Variants in PMEPA1 observed in about 807,000 individuals in gnomAD.
PMEPA1 encodes protein TMEPAI.
PMEPA1 carries 11 observed loss-of-function variants against 23.0 expected under a neutral mutation model. That is an observed-to-expected ratio of 0.48 (90% confidence interval 0.30 to 0.79). The LOEUF is 0.79. PMEPA1 is among the 30% of genes least tolerant of loss of function. PMEPA1 has a pLI of 0.06. For missense variants in PMEPA1, 377 were observed against 390.9 expected, an observed-to-expected ratio of 0.96 and a Z score of 0.30; for synonymous variants, 204 against 166.4, an observed-to-expected ratio of 1.23 and a Z score of -1.74.
At chr20:57,691,025 C>T (rs996918630) in intron 1 of PMEPA1, among the ~76,000 whole-genome samples, 5 of 152,158 alleles carry the variant, frequency 3.3e-5, no homozygotes, top group African/African-American at 1.2e-4. Context: ...TCGTCCCTAC[C>T]GGCCCCTCGG....
rs1382485096 is a variant in PMEPA1, at chr20:57,677,230, G to A, written c.110-17533C>T. 2.6e-5 allele frequency among the ~76,000 whole-genome samples: 4 copies of A among 152,208 alleles called. No homozygotes were observed. In the East Asian group the frequency reaches 7.7e-4, roughly 29 times the overall value. Reference sequence around the variant, plus strand: ...ATGGATTATTCTGGCTGTGGGAGCAGCTGTGTGTCTCCACTTCCTTGTCTG... The same window carrying A: ...ATGGATTATTCTGGCTGTGGGAGCAACTGTGTGTCTCCACTTCCTTGTCTG... On this transcript the variant is annotated intron_variant, in intron 1 of 3. Coordinates refer to ENST00000341744, the MANE Select transcript of PMEPA1 (RefSeq NM_020182.5).
chr20:57,685,736 C>T (rs1314443295), intron 1 of PMEPA1, among the ~76,000 whole-genome samples: 7 of 152,050 alleles, frequency 4.6e-5, no homozygotes, highest in African/African-American at 7.2e-5. Context: ...TCTGGGAAGG[C>T]GCCTGCTAAG....
At chr20:57,673,580 C>T (rs2071598298) in intron 1 of PMEPA1, among the ~76,000 whole-genome samples, 1 of 152,160 alleles carries the variant, frequency 6.6e-6, no homozygotes, top group Admixed American at 6.5e-5. Context: ...GGGCTGGTCG[C>T]CTGAGAACTG....
At chr20:57,694,376 G>A (rs1355767795) in intron 1 of PMEPA1, among the ~76,000 whole-genome samples, 2 of 152,142 alleles carry the variant, frequency 1.3e-5, no homozygotes, top group South Asian at 2.1e-4. Flanking sequence ...TACTTAACCC[G>A]ATCTTAAGCA....
At chr20:57,685,196 A>T (rs2146688349) in intron 1 of PMEPA1, among the ~76,000 whole-genome samples, 1 of 152,266 alleles carries the variant, frequency 6.6e-6, no homozygotes, top group East Asian at 1.9e-4. Flanking sequence ...TGCAAGCCGC[A>T]GTCACTCTCC....
At chr20:57,705,104 G>C (rs1452058573) in intron 1 of PMEPA1, among the ~76,000 whole-genome samples, 1 of 152,198 alleles carries the variant, frequency 6.6e-6, no homozygotes, top group Non-Finnish European at 1.5e-5. Flanking sequence ...TGGGGTAGAA[G>C]CTGTGTGTGC....
chr20:57,663,033 C>T (rs995417347), intron 1 of PMEPA1, among the ~76,000 whole-genome samples: 9 of 152,202 alleles, frequency 5.9e-5, no homozygotes, highest in African/African-American at 9.7e-5. Flanking sequence ...GACTTTTGGA[C>T]GTCTGTATCC....
intron 1 of PMEPA1, among the ~76,000 whole-genome samples, chr20:57,668,903 C>T (rs1306990627): frequency 6.6e-6 from 1 of 152,194 alleles, no homozygotes; most frequent in East Asian, 1.9e-4. Flanking sequence ...GTCCCTGCCT[C>T]AGACTAAAAC....
chr20:57,663,359 C>A (rs886112679), intron 1 of PMEPA1, among the ~76,000 whole-genome samples: 7 of 152,096 alleles, frequency 4.6e-5, no homozygotes, highest in Non-Finnish European at 1.0e-4. Flanking sequence ...GGGCCCGGGT[C>A]CCAGCCTGGC....
chr20:57,687,366 C>G (rs959384605), intron 1 of PMEPA1, among the ~76,000 whole-genome samples: 1 of 152,198 alleles, frequency 6.6e-6, no homozygotes, highest in African/African-American at 2.4e-5. Flanking sequence ...AGAGGGACCC[C>G]AAGGCCAGAG....
chr20:57,658,269 C>T (rs541236043), intron 2 of PMEPA1, among the ~76,000 whole-genome samples: 4 of 152,212 alleles, frequency 2.6e-5, no homozygotes, highest in Admixed American at 6.5e-5. Context: ...TAATGGAGAG[C>T]GGGGTCCCTC....
chr20:57,675,889 C>T (rs541909767), intron 1 of PMEPA1, among the ~76,000 whole-genome samples: 5 of 152,320 alleles, frequency 3.3e-5, no homozygotes, highest in Admixed American at 3.3e-4. Context: ...GAGTCTCTTC[C>T]TCTTTCTTTT....
chr20:57,692,034 A>C (rs1229075743), intron 1 of PMEPA1, among the ~76,000 whole-genome samples: 3 of 151,704 alleles, frequency 2.0e-5, no homozygotes, highest in African/African-American at 4.9e-5. Flanking sequence ...CTCCCTTTTC[A>C]CGGGTAGGTC....
intron 1 of PMEPA1, among the ~76,000 whole-genome samples, chr20:57,684,686 T>C (rs538066081): frequency 6.6e-6 from 1 of 152,326 alleles, no homozygotes; most frequent in African/African-American, 2.4e-5. Flanking sequence ...ATGCATCTAT[T>C]TGGCAGAACT....
chr20:57,675,777 G>A lies in PMEPA1; in HGVS notation c.110-16080C>T, dbSNP rs150965981. 3.8e-4 allele frequency among the ~76,000 whole-genome samples: 58 copies of A among 152,330 alleles called. No homozygotes were observed. The East Asian group carries it at 0.011, about 28-fold the overall frequency. On this transcript the variant is annotated intron_variant, in intron 1 of 3. Coordinates refer to ENST00000341744, the MANE Select transcript of PMEPA1 (RefSeq NM_020182.5). ...GCCTCCCACCTTTGATTGTTTGGGG[G>A]TGTGTCCTTTCCTCTGGGGCATCTG...
In PMEPA1 at chr20:57,650,429, C is replaced by T. The variant is rs2071209028; in HGVS notation, c.*1624G>A. 6.6e-6 allele frequency: 1 copy of T among 152,204 alleles called. No homozygotes were observed. Among genetic ancestry groups the T allele is most frequent in the African/African-American group, 2.4e-5 (1 of 41,432 alleles). The allele number at this position is 152,204 out of a possible 1,614,324, so 9.4% of individuals were successfully genotyped here. On this transcript the variant is annotated 3_prime_UTR_variant, in exon 4 of 4. Coordinates refer to ENST00000341744, the MANE Select transcript of PMEPA1 (RefSeq NM_020182.5). Reference sequence around the variant, plus strand: ...GCCCCGGTGGGTCCCAAAGCCCCACCCCTCATGCTCTCCTCTGGTCACCTC... The same window carrying T: ...GCCCCGGTGGGTCCCAAAGCCCCACTCCTCATGCTCTCCTCTGGTCACCTC...
Position 57,687,314 on chromosome 20 carries a change from T to C in PMEPA1, c.109+22160A>G, listed in dbSNP as rs1003622827. ...AAGGCTCCGCAAGATAGCACATCAG[T>C]GAAGTGACCCAGAAGCCACTGACTC... is the stretch of plus-strand genomic sequence containing the variant. On this transcript the variant is annotated intron_variant, in intron 1 of 3. Coordinates refer to ENST00000341744, the MANE Select transcript of PMEPA1 (RefSeq NM_020182.5). Among the ~76,000 whole-genome samples the C allele has an allele frequency of 2.0e-5, 3 of 152,310 alleles. No homozygotes were observed. In the East Asian group the frequency reaches 5.8e-4, roughly 29 times the overall value.
intron 1 of PMEPA1, chr20:57,700,190 T>C (rs1385427690): frequency 2.1e-6 from 1 of 470,164 alleles, no homozygotes; most frequent in African/African-American, 2.0e-5. Flanking sequence ...TGACAACCTG[T>C]CAATGACAAT....
intron 1 of PMEPA1, among the ~76,000 whole-genome samples, chr20:57,706,501 A>G (rs1250881078): frequency 1.7e-4 from 26 of 152,118 alleles, no homozygotes; most frequent in Non-Finnish European, 4.4e-5. Context: ...TTTTGGGAAC[A>G]CTGAATTCCC....
Sources: allele counts gnomAD v4.1 joint callset (sites outside exome capture counted in the v4.1 genomes callset), GRCh38; gene constraint gnomAD v4.1.1; transcripts MANE v1.5; gene names NCBI Gene and HGNC (gene_info 2026-07-23, HGNC 2026-07-21).